Variants in NALF1 observed in about 807,000 individuals in gnomAD.
NALF1 encodes the protein family with sequence similarity 155 member A.
NALF1 carries 3 observed loss-of-function variants against 48.4 expected under a neutral mutation model. That is an observed-to-expected ratio of 0.06 (90% CI 0.03 to 0.16). NALF1 has a LOEUF of 0.16. Among genes scored for constraint, NALF1 ranks in the 10% least tolerant of loss-of-function variants. The probability of loss-of-function intolerance (pLI) is 1.00; values close to 1 mark genes in which losing one functional copy is unlikely to be tolerated. For missense variants in NALF1, 526 were observed against 571.5 expected (o/e 0.92, Z 0.81); for synonymous variants, 262 against 245.7 (o/e 1.07, Z -0.62).
rs71981886 is a variant in NALF1, at chr13:107,602,050, ATT to A, written c.915+263630_915+263631del. ...TCCTAAAAATAAAGCTCATGATTTA[ATT>A]GTATAGAAAGGTCTCTGAACTGCAT... On this transcript the variant is annotated intron_variant, in intron 1 of 2. Transcript: ENST00000375915. Among the ~76,000 whole-genome samples, 3,354 of 152,256 alleles carry A rather than the reference ATT, an allele frequency of 0.022. 210 individuals carry two copies. The East Asian group carries it at 0.26, about 12-fold the overall frequency.
intron 1 of NALF1, among the ~76,000 whole-genome samples, chr13:107,339,856 G>A (rs1882635362): frequency 6.6e-6 from 1 of 152,096 alleles, no homozygotes; most frequent in African/African-American, 2.4e-5. Flanking sequence ...GACAAGTCCT[G>A]TGAGCAATAG....
At chr13:107,178,843 G>A (rs1594056845) in intron 2 of NALF1, among the ~76,000 whole-genome samples, 1 of 152,000 alleles carries the variant, frequency 6.6e-6, no homozygotes, top group African/African-American at 2.4e-5. Context: ...TACTCGGGAG[G>A]CTGAGTCAGG....
rs148097322 is a variant in NALF1 at position 107,794,645 on chromosome 13, TAAAA to T, written c.915+71033_915+71036del. Among the ~76,000 whole-genome samples the T allele has an allele frequency of 5.5e-4, 79 of 142,676 alleles. 1 individual carries two copies. In the South Asian group the frequency reaches 0.013, roughly 23 times the overall value. The allele number at this position is 142,676 out of a possible 152,430, so 93.6% of individuals were successfully genotyped here. A position where few individuals can be genotyped will look rare whatever the true frequency, so the allele number is the denominator to read the frequency against. The stretch of plus-strand genomic sequence containing the variant: ...ATTCTTAAAGTCCACATAATTGAGT[TAAAA>T]AAAAAAAAACCTATCATCCCCATTT... On this transcript the variant is annotated intron_variant, in intron 1 of 2. Transcript: ENST00000375915.
In NALF1 at chr13:107,238,441, C is replaced by T. The variant is rs192930480; in HGVS notation, c.916-27686G>A. Among the ~76,000 whole-genome samples, 442 of 152,286 alleles carry T rather than the reference C, an allele frequency of 2.9e-3. 3 individuals carry two copies. Among genetic ancestry groups the T allele is most frequent in the African/African-American group, 0.01 (426 of 41,566 alleles). The stretch of plus-strand genomic sequence containing the variant: ...AAGGAGTCAGGTCAGGTAAATGCAG[C>T]TCTGCCGGGCCCTCTGCTGACTGGG... On this transcript the variant is annotated intron_variant, in intron 1 of 2. Coordinates refer to ENST00000375915, the MANE Select transcript of NALF1 (RefSeq NM_001080396.3).
chr13:107,291,451 G>A (rs1437328776), intron 1 of NALF1, among the ~76,000 whole-genome samples: 1 of 148,292 alleles, frequency 6.7e-6, no homozygotes, highest in Non-Finnish European at 1.5e-5. Flanking sequence ...TCCCCAAGGG[G>A]AAAGTAAAAT....
At chr13:107,838,826 G>A (rs1879972572) in intron 1 of NALF1, among the ~76,000 whole-genome samples, 1 of 152,192 alleles carries the variant, frequency 6.6e-6, no homozygotes. Flanking sequence ...CATCTGCAGA[G>A]TTCGGGGATG....
At chr13:107,662,911 A>C (rs1410900445) in intron 1 of NALF1, among the ~76,000 whole-genome samples, 1 of 152,196 alleles carries the variant, frequency 6.6e-6, no homozygotes, top group Non-Finnish European at 1.5e-5. Flanking sequence ...TTAGAAACAA[A>C]ATTAACTTAC....
intron 1 of NALF1, among the ~76,000 whole-genome samples, chr13:107,798,452 T>C (rs147122611): frequency 3.5e-4 from 53 of 152,324 alleles, no homozygotes; most frequent in African/African-American, 1.2e-3. Flanking sequence ...TACAATATTA[T>C]GTTGAGGTAG....
At chr13:107,565,259 C>T (rs1241895360) in intron 1 of NALF1, among the ~76,000 whole-genome samples, 1 of 151,272 alleles carries the variant, frequency 6.6e-6, no homozygotes, top group East Asian at 2.0e-4. Flanking sequence ...GTGGCCCACA[C>T]TTGTAATCCC....
intron 1 of NALF1, among the ~76,000 whole-genome samples, chr13:107,333,561 G>A (rs550798875): frequency 1.3e-5 from 2 of 152,312 alleles, no homozygotes; most frequent in African/African-American, 4.8e-5. Flanking sequence ...GAAGTTCCGT[G>A]AGTATTGATG....
At chr13:107,453,540 C>T (rs1264395987) in intron 1 of NALF1, among the ~76,000 whole-genome samples, 1 of 152,164 alleles carries the variant, frequency 6.6e-6, no homozygotes, top group Non-Finnish European at 1.5e-5. Flanking sequence ...AGGCCTGGCC[C>T]ACAGAACCAT....
rs1031515406 is a variant in NALF1 at position 107,508,046 on chromosome 13, T to C, written c.916-297291A>G. Among the ~76,000 whole-genome samples, 6 of 152,146 alleles carry C rather than the reference T, an allele frequency of 3.9e-5. No individual in the cohort carries two copies. In the East Asian group the frequency reaches 9.6e-4, roughly 24 times the overall value. On this transcript the variant is annotated intron_variant, in intron 1 of 2. Transcript: ENST00000375915. ...TAATAAGCTATCCTGTTCTGTCCTATACAAAAACATTACATGACTTTTGAC... is the reference window on the plus strand; with the variant it reads ...TAATAAGCTATCCTGTTCTGTCCTACACAAAAACATTACATGACTTTTGAC...
At chr13:107,834,665 C>T (rs1293486811) in intron 1 of NALF1, among the ~76,000 whole-genome samples, 2 of 152,114 alleles carry the variant, frequency 1.3e-5, no homozygotes, top group Non-Finnish European at 2.9e-5. Context: ...AAAATAGACT[C>T]AATTTTCATT....
At chr13:107,762,619 G>A (rs1237036706) in intron 1 of NALF1, among the ~76,000 whole-genome samples, 1 of 152,020 alleles carries the variant, frequency 6.6e-6, no homozygotes, top group Non-Finnish European at 1.5e-5. Context: ...AACAGGAGAG[G>A]AGGAGTCAGT....
intron 1 of NALF1, among the ~76,000 whole-genome samples, chr13:107,563,583 G>C (rs1877707294): frequency 6.6e-6 from 1 of 152,198 alleles, no homozygotes; most frequent in African/African-American, 2.4e-5. Flanking sequence ...AGAAAAGATT[G>C]TGACGTATCC....
intron 1 of NALF1, among the ~76,000 whole-genome samples, chr13:107,236,373 A>G (rs1338402362): frequency 6.6e-6 from 1 of 152,112 alleles, no homozygotes; most frequent in Non-Finnish European, 1.5e-5. Flanking sequence ...GAGTAGCTGC[A>G]TTTGGCTGGA....
At chr13:107,705,443 T>C (rs996260622) in intron 1 of NALF1, among the ~76,000 whole-genome samples, 3 of 152,276 alleles carry the variant, frequency 2.0e-5, no homozygotes, top group Non-Finnish European at 2.9e-5. Flanking sequence ...TTTAGATATA[T>C]TGGCAAATTA....
At chr13:107,424,136 G>GTTTA (rs924363500) in intron 1 of NALF1, among the ~76,000 whole-genome samples, 7 of 151,794 alleles carry the variant, frequency 4.6e-5, no homozygotes, top group South Asian at 2.1e-4. Flanking sequence ...CTATTTACTT[G>GTTTA]TTTATTTATT....
rs1392227823 is a variant in NALF1, at chr13:107,294,116, A to G, written c.916-83361T>C. ...TACTGCTTGTATGTGCTGTCTAGCTATCTCGAAGAACTACTGCCAATCTCA... is the reference window on the plus strand; with the variant it reads ...TACTGCTTGTATGTGCTGTCTAGCTGTCTCGAAGAACTACTGCCAATCTCA... On this transcript the variant is annotated intron_variant, in intron 1 of 2. Coordinates refer to ENST00000375915, the MANE Select transcript of NALF1 (RefSeq NM_001080396.3). Among the ~76,000 whole-genome samples the G allele has an allele frequency of 3.9e-5, 6 of 152,170 alleles. No homozygotes were observed. The East Asian group carries it at 9.7e-4, about 24-fold the overall frequency.
Sources: gnomAD v4.1 joint callset for allele counts (sites outside exome capture counted in the v4.1 genomes callset) on GRCh38, gnomAD v4.1.1 for gene constraint, MANE v1.5 for transcripts, NCBI Gene and HGNC (gene_info 2026-07-23, HGNC 2026-07-21) for gene names.